The following OCA2 variants were observed in gnomAD, a reference collection of about 807,000 sequenced individuals.
The protein encoded by OCA2 is OCA2 melanosomal transmembrane protein, also known as P protein.
Under a neutral mutation model 100.2 loss-of-function variants are expected in OCA2, and 77 were observed. The observed-to-expected ratio is 0.77, with a 90% CI of 0.64 to 0.93. The LOEUF is 0.93. Among genes scored for constraint, OCA2 ranks in the 40% least tolerant of loss-of-function variants. OCA2 has a pLI of 0.00. For missense variants in OCA2, 1,062 were observed against 1,089.1 expected, an observed-to-expected ratio of 0.98 and a Z score of 0.35; for synonymous variants, 432 against 439.2, an observed-to-expected ratio of 0.98 and a Z score of 0.21.
chr15:27,868,763 G>C (rs1157805831), intron 21 of OCA2, among the ~76,000 whole-genome samples: 2 of 152,206 alleles, frequency 1.3e-5, no homozygotes, highest in Non-Finnish European at 2.9e-5. Context: ...GTATGGAGAT[G>C]ATGCATGCGT....
chr15:28,018,330 G>A (rs2042466894), intron 7 of OCA2, 67 bp downstream of exon 7: 4 of 1,521,224 alleles, frequency 2.6e-6, no homozygotes, highest in Non-Finnish European at 2.7e-6. Flanking sequence ...CATTCAAGAG[G>A]AAACACAATT....
At chr15:28,095,300 G>T (rs911805171) in intron 1 of OCA2, among the ~76,000 whole-genome samples, 1 of 152,158 alleles carries the variant, frequency 6.6e-6, no homozygotes, top group African/African-American at 2.4e-5. Flanking sequence ...GCCCGGGTGC[G>T]CCCGGGGGAC....
chr15:27,985,226 G>A, intron 12 of OCA2, 38 bp from the exon 13 acceptor site: 3 of 1,612,118 alleles, frequency 1.9e-6, no homozygotes, highest in Non-Finnish European at 2.5e-6. Context: ...AAGCCAGAGT[G>A]AGCAGGCTCG....
chr15:27,868,771 C>T lies in OCA2; in HGVS notation c.2244+2383G>A, dbSNP rs553837243. On this transcript the variant is annotated intron_variant, in intron 21 of 23. Coordinates refer to ENST00000354638, the MANE Select transcript of OCA2 (RefSeq NM_000275.3). ...AGCACATGTATGGAGATGATGCATG[C>T]GTTCAGTACCTTGATTGTGGTGATA... 7.7e-4 allele frequency among the ~76,000 whole-genome samples: 117 copies of T among 152,270 alleles called. 2 individuals are homozygous for T. The highest frequency in any genetic ancestry group is 2.4e-3 in the Admixed American group (36 of 15,292).
chr15:28,016,059 T>C, intron 8 of OCA2, 45 bp downstream of exon 8: 1 of 1,484,452 alleles, frequency 6.7e-7, no homozygotes, highest in Non-Finnish European at 9.4e-7. Flanking sequence ...TAAACGCACG[T>C]GTCCCAGAGA....
intron 22 of OCA2, among the ~76,000 whole-genome samples, chr15:27,850,482 C>T (rs894333612): frequency 5.3e-5 from 8 of 152,088 alleles, no homozygotes; most frequent in African/African-American, 1.2e-4. Context: ...ATTGCCTTCC[C>T]GGGACTGGTT....
intron 14 of OCA2, among the ~76,000 whole-genome samples, chr15:27,977,412 G>A (rs1212498808): frequency 6.6e-6 from 1 of 152,098 alleles, no homozygotes; most frequent in East Asian, 1.9e-4. Flanking sequence ...AGCACACGTG[G>A]AGCTGGAATA....
the OCA2 span, among the ~76,000 whole-genome samples, chr15:27,725,312 C>T: frequency 6.6e-6 from 1 of 152,210 alleles, no homozygotes; most frequent in African/African-American, 2.4e-5. Context: ...CATGGTGGCT[C>T]ACGCCTATAA....
chr15:27,822,929 T>C (rs1236037921), intron 23 of OCA2, among the ~76,000 whole-genome samples: 1 of 152,230 alleles, frequency 6.6e-6, no homozygotes, highest in Admixed American at 6.5e-5. Context: ...TTCAGTGCTT[T>C]TGGGGTCCTG....
chr15:27,967,046 CG>C (rs1403247840), intron 14 of OCA2, among the ~76,000 whole-genome samples: 1 of 152,218 alleles, frequency 6.6e-6, no homozygotes, highest in Non-Finnish European at 1.5e-5. Flanking sequence ...AGGAGAATGG[CG>C]TGAACCCGAG....
At chr15:27,891,299 A>T (rs988233349) in intron 19 of OCA2, among the ~76,000 whole-genome samples, 4 of 152,242 alleles carry the variant, frequency 2.6e-5, no homozygotes, top group Non-Finnish European at 4.4e-5. Context: ...ATACAAAGAG[A>T]AACACTAAAA....
intron 9 of OCA2, among the ~76,000 whole-genome samples, chr15:28,009,917 G>A (rs2042195039): frequency 6.6e-6 from 1 of 152,132 alleles, no homozygotes; most frequent in South Asian, 2.1e-4. Context: ...AGAACTAACT[G>A]AAACTGAAAA....
intron 9 of OCA2, among the ~76,000 whole-genome samples, chr15:28,008,425 G>C (rs2042147588): frequency 6.6e-6 from 1 of 152,184 alleles, no homozygotes; most frequent in South Asian, 2.1e-4. Context: ...AAAGGTGTTT[G>C]TTTTTACCTT....
In OCA2 at chr15:27,957,519, C is replaced by T. The variant is rs901361489; in HGVS notation, c.1784+69G>A. On this transcript the variant is annotated intron_variant, in intron 16 of 23. Transcript: ENST00000354638. This position sits in a 1 kb window ranked among gnomAD's most constrained non-coding sequence, Gnocchi z 4.3. ...ACGTATTAGTATACAGCTAATGTCG[C>T]TATTTTGTAGGCCCATGGAATGTTC... The T allele has an allele frequency of 4.0e-5, 62 of 1,567,394 alleles. No homozygotes were observed. The highest frequency in any genetic ancestry group is 5.3e-5 in the Non-Finnish European group (61 of 1,141,388).
intron 6 of OCA2, among the ~76,000 whole-genome samples, chr15:28,022,127 C>T (rs900416892): frequency 6.6e-6 from 1 of 152,198 alleles, no homozygotes; most frequent in Non-Finnish European, 1.5e-5. Context: ...GGAGGTGCCA[C>T]AGCAGTCATC....
At chr15:27,994,862 T>A (rs28532411) in intron 9 of OCA2, among the ~76,000 whole-genome samples, 2 of 152,154 alleles carry the variant, frequency 1.3e-5, no homozygotes, top group African/African-American at 4.8e-5. Flanking sequence ...CTAGTCATCA[T>A]GTAAATTCCA....
intron 23 of OCA2, among the ~76,000 whole-genome samples, chr15:27,797,891 C>T (rs1201330487): frequency 6.6e-6 from 1 of 152,144 alleles, no homozygotes; most frequent in African/African-American, 2.4e-5. Context: ...TAGAGTCTTT[C>T]CTGAGTCCTG....
chr15:28,059,546 T>C (rs1345726389), intron 2 of OCA2, among the ~76,000 whole-genome samples: 1 of 152,140 alleles, frequency 6.6e-6, no homozygotes, highest in Admixed American at 6.5e-5. Flanking sequence ...GTCTCAGAAA[T>C]AGTAATAATA....
At chr15:28,016,231 G>T in intron 7 of OCA2, 45 bp from the exon 8 acceptor site, 1 of 1,451,284 alleles carries the variant, frequency 6.9e-7, no homozygotes, top group Non-Finnish European at 9.7e-7. Context: ...TTTCACCTGA[G>T]ACACCATCTG....
Sources: allele counts gnomAD v4.1 joint callset (sites outside exome capture counted in the v4.1 genomes callset), GRCh38; gene constraint gnomAD v4.1.1; non-coding constraint Gnocchi (gnomAD v3.1); transcripts MANE v1.5; gene names NCBI Gene and HGNC (gene_info 2026-07-23, HGNC 2026-07-21).